Variants in DNAL1 observed in about 807,000 individuals in gnomAD.
The protein encoded by DNAL1 is chromosome 14 open reading frame 168.
DNAL1 carries 17 observed loss-of-function variants against 29.4 expected under a neutral mutation model. The ratio of observed to expected loss-of-function variants is 0.58; its 90% CI spans 0.40 to 0.87. The LOEUF (loss-of-function observed/expected upper bound fraction) is 0.87. Ranked by LOEUF, DNAL1 falls within the 40% of genes least tolerant of loss-of-function variation. The pLI is 0.00. For missense variants in DNAL1, 188 were observed against 214.1 expected, an observed-to-expected ratio of 0.88 and a Z score of 0.76; for synonymous variants, 78 against 76.3, an observed-to-expected ratio of 1.02 and a Z score of -0.12.
chr14:73,650,204 A>G (rs1891082178), intron 1 of DNAL1, among the ~76,000 whole-genome samples: 1 of 152,052 alleles, frequency 6.6e-6, no homozygotes, highest in African/African-American at 2.4e-5. Flanking sequence ...TGTCCAGGCT[A>G]GTTTCAACTC....
intron 5 of DNAL1, among the ~76,000 whole-genome samples, chr14:73,680,451 CAT>C (rs1291187717): frequency 2.6e-5 from 4 of 152,022 alleles, no homozygotes; most frequent in Non-Finnish European, 5.9e-5. Context: ...AGTAGAATTC[CAT>C]AGTTTTAATT....
intron 5 of DNAL1, among the ~76,000 whole-genome samples, chr14:73,678,387 ATAG>A (rs1447749729): frequency 6.6e-6 from 1 of 152,146 alleles, no homozygotes; most frequent in African/African-American, 2.4e-5. Flanking sequence ...TATTAACCAC[ATAG>A]TAGGCTCTTT....
At chr14:73,669,980 CACAT>C (rs1276222262) in intron 4 of DNAL1, among the ~76,000 whole-genome samples, 1 of 140,500 alleles carries the variant, frequency 7.1e-6, no homozygotes, top group Non-Finnish European at 1.7e-5. Flanking sequence ...CTCACACACA[CACAT>C]ACACACACAC....
intron 5 of DNAL1, among the ~76,000 whole-genome samples, chr14:73,683,026 A>C (rs1314116895): frequency 6.6e-6 from 1 of 151,902 alleles, no homozygotes; most frequent in Non-Finnish European, 1.5e-5. Flanking sequence ...AGAGGCGTGC[A>C]TCACCACGCC....
chr14:73,683,843 G>A lies in DNAL1; in HGVS notation c.265-3416G>A, dbSNP rs1258175983. ...TTGCCTCTTCCTCCCAGGTAGCTGG[G>A]ATTACAGGTGCCCACCACCACACCT... is the stretch of plus-strand genomic sequence containing the variant. On this transcript the variant is annotated intron_variant, in intron 5 of 7. Coordinates refer to ENST00000553645, the MANE Select transcript of DNAL1 (RefSeq NM_031427.4). Among the ~76,000 whole-genome samples the A allele has an allele frequency of 3.9e-5, 6 of 152,122 alleles. No homozygotes were observed. The East Asian group carries it at 1.2e-3, about 29-fold the overall frequency.
intron 5 of DNAL1, among the ~76,000 whole-genome samples, chr14:73,681,623 A>T (rs1178426826): frequency 0.045 from 1,874 of 41,854 alleles, 8 homozygotes; most frequent in Non-Finnish European, 0.061. Context: ...AAAAAAAAAA[A>T]AAAAAAAAAA....
rs1339350837 is a variant in DNAL1, at chr14:73,696,407, A to G, written c.*465A>G. The G allele has an allele frequency of 6.5e-6, 1 of 152,840 alleles. No individual in the cohort carries two copies. The highest frequency in any genetic ancestry group is 2.4e-5 in the African/African-American group (1 of 41,460). 9.5% of individuals were successfully genotyped at this position (152,840 alleles called of 1,614,324 possible). A position where few individuals can be genotyped will look rare whatever the true frequency, so the allele number is the denominator to read the frequency against. Reference sequence around the variant, plus strand: ...CTTTAGCTCAGAAGGCAGCATGGTGATGGGAAGAGTTCCTCTTAGAAATAC... The same window carrying G: ...CTTTAGCTCAGAAGGCAGCATGGTGGTGGGAAGAGTTCCTCTTAGAAATAC... On this transcript the variant is annotated 3_prime_UTR_variant, in exon 8 of 8. Transcript: ENST00000553645.
chr14:73,663,167 A>G (rs1891394240), intron 4 of DNAL1, among the ~76,000 whole-genome samples: 1 of 151,646 alleles, frequency 6.6e-6, no homozygotes, highest in African/African-American at 2.4e-5. Context: ...AGTTTGCAAG[A>G]CAGTATTTAC....
chr14:73,680,910 T>C (rs1460029431), intron 5 of DNAL1, among the ~76,000 whole-genome samples: 1 of 152,194 alleles, frequency 6.6e-6, no homozygotes, highest in Non-Finnish European at 1.5e-5. Context: ...TAAGTATTTG[T>C]ATATCTAAAC....
rs547307638 is a variant in DNAL1 at position 73,696,270 on chromosome 14, T to C, written c.*328T>C. 1 of 173,780 alleles carries C rather than the reference T, an allele frequency of 5.8e-6. No individual in the cohort carries two copies. The highest frequency in any genetic ancestry group is 1.9e-4 in the South Asian group (1 of 5,164). 10.8% of individuals were successfully genotyped at this position (173,780 alleles called of 1,614,324 possible). ...ATTTTTAATAACAAAGGAACAAATG[T>C]TTTTTTCAGTTTGTTCATTTTTTTT... On this transcript the variant is annotated 3_prime_UTR_variant, in exon 8 of 8. Transcript: ENST00000553645.
chr14:73,669,681 C>T lies in DNAL1; in HGVS notation c.209-1861C>T, dbSNP rs374025004. Among the ~76,000 whole-genome samples the T allele has an allele frequency of 7.9e-5, 12 of 152,274 alleles. No individual in the cohort carries two copies. In the South Asian group the frequency reaches 1.7e-3, roughly 21 times the overall value. On this transcript the variant is annotated intron_variant, in intron 4 of 7. Coordinates refer to ENST00000553645, the MANE Select transcript of DNAL1 (RefSeq NM_031427.4). ...CTGGCATCAAATGATACTCCCACTTCACCTTCTCAAAGTGCTGGGATAATT... is the reference window on the plus strand; with the variant it reads ...CTGGCATCAAATGATACTCCCACTTTACCTTCTCAAAGTGCTGGGATAATT...
chr14:73,654,628 G>A (rs1056495201), intron 1 of DNAL1, among the ~76,000 whole-genome samples: 6 of 152,032 alleles, frequency 3.9e-5, no homozygotes, highest in African/African-American at 7.2e-5. Context: ...GAGTGGTGGC[G>A]CGCACCTGTA....
intron 4 of DNAL1, among the ~76,000 whole-genome samples, chr14:73,663,058 C>T (rs1891392317): frequency 6.6e-6 from 1 of 152,020 alleles, no homozygotes; most frequent in Non-Finnish European, 1.5e-5. Flanking sequence ...GTTCTTCAAA[C>T]ATTTTGACCA....
intron 4 of DNAL1, among the ~76,000 whole-genome samples, chr14:73,663,833 C>G (rs888311265): frequency 1.1e-4 from 16 of 152,272 alleles, no homozygotes; most frequent in Non-Finnish European, 1.9e-4. Context: ...CAGCTGAATT[C>G]AAAAACTTTT....
intron 7 of DNAL1, among the ~76,000 whole-genome samples, chr14:73,691,973 G>A (rs542911074): frequency 0.32 from 436 of 1,354 alleles, no homozygotes; most frequent in African/African-American, 0.45. Flanking sequence ...TGGGATTATA[G>A]GCGGTGAGCC....
chr14:73,687,491 GAA>G, intron 6 of DNAL1, 106 bp downstream of exon 6: 3 of 1,286,788 alleles, frequency 2.3e-6, no homozygotes, highest in Non-Finnish European at 3.0e-6. Flanking sequence ...AGCACAGAGA[GAA>G]AGTGGAAACA....
chr14:73,687,369 C>T lies in DNAL1; in HGVS notation c.375C>T (p.Asn125=), dbSNP rs1168745561. Residue 125 remains asparagine (N), a synonymous_variant, in exon 6 of 8, where the codon AAC becomes AAT. Coordinates refer to ENST00000553645, the MANE Select transcript of DNAL1 (RefSeq NM_031427.4). ...TGAAGATTCTCTACATGTCTAATAACCTGGTAAAAGACTGGGGTAAGCTGA... is the reference window on the plus strand; with the variant it reads ...TGAAGATTCTCTACATGTCTAATAATCTGGTAAAAGACTGGGGTAAGCTGA... The part of the protein sequence containing the change: ...KKLKILYMSN[N]LVKDWAEFVK... 2 of 1,603,718 alleles carry T rather than the reference C, an allele frequency of 1.2e-6. No homozygotes were observed. The highest frequency in any genetic ancestry group is 1.3e-5 in the African/African-American group (1 of 74,428).
chr14:73,679,158 G>A (rs772287976), intron 5 of DNAL1, among the ~76,000 whole-genome samples: 14 of 151,900 alleles, frequency 9.2e-5, no homozygotes, highest in Non-Finnish European at 1.6e-4. Context: ...CACCACACCC[G>A]GCTAATTTTT....
intron 6 of DNAL1, among the ~76,000 whole-genome samples, chr14:73,687,857 A>T (rs1595224616): frequency 6.6e-6 from 1 of 152,248 alleles, no homozygotes; most frequent in East Asian, 1.9e-4. Context: ...AGGGCAGCAG[A>T]GCAAGACTCC....
Sources: allele counts gnomAD v4.1 joint callset (sites outside exome capture counted in the v4.1 genomes callset), GRCh38; gene constraint gnomAD v4.1.1; transcripts MANE v1.5; gene names NCBI Gene and HGNC (gene_info 2026-07-23, HGNC 2026-07-21).